FBXL17: variants seen among roughly 807,000 people sequenced by gnomAD.
FBXL17 encodes F-box and leucine rich repeat protein 17.
A neutral mutation model predicts 66.2 loss-of-function variants in FBXL17; 22 were observed. That is an observed-to-expected ratio of 0.33 (90% CI 0.24 to 0.47). The LOEUF is 0.47. Among genes scored for constraint, FBXL17 ranks in the 20% least tolerant of loss-of-function variants. The pLI is 1.00. For missense variants in FBXL17, 878 were observed against 948.2 expected (o/e 0.93, Z 0.97); for synonymous variants, 474 against 400.5 (o/e 1.18, Z -2.19).
At chr5:108,077,613 T>G (rs1748601796) in intron 6 of FBXL17, among the ~76,000 whole-genome samples, 1 of 150,870 alleles carries the variant, frequency 6.6e-6, no homozygotes, top group Admixed American at 6.6e-5. Context: ...CAGTGAGCCA[T>G]GTTCATACCA....
intron 6 of FBXL17, among the ~76,000 whole-genome samples, chr5:108,071,227 G>C (rs76319018): frequency 6.6e-6 from 1 of 152,156 alleles, no homozygotes; most frequent in Non-Finnish European, 1.5e-5. Context: ...GTGCACTTTA[G>C]TATTGTGTTT....
chr5:108,207,784 C>A (rs1057491562), intron 5 of FBXL17, among the ~76,000 whole-genome samples: 1 of 152,116 alleles, frequency 6.6e-6, no homozygotes, highest in South Asian at 2.1e-4. Flanking sequence ...AATAAACATA[C>A]GTGTGCATGT....
chr5:107,920,005 C>T (rs1750258869), intron 7 of FBXL17, among the ~76,000 whole-genome samples: 1 of 152,106 alleles, frequency 6.6e-6, no homozygotes, highest in Non-Finnish European at 1.5e-5. Context: ...AACCAAGCAA[C>T]CTTCTAAGAT....
chr5:108,265,077 T>C (rs1008793080), intron 4 of FBXL17, among the ~76,000 whole-genome samples: 1 of 152,074 alleles, frequency 6.6e-6, no homozygotes, highest in Non-Finnish European at 1.5e-5. Flanking sequence ...AACAGAATAA[T>C]TTATAAGTTT....
At chr5:108,019,698 G>T (rs565788014) in intron 7 of FBXL17, among the ~76,000 whole-genome samples, 29 of 151,682 alleles carry the variant, frequency 1.9e-4, no homozygotes, top group Non-Finnish European at 2.9e-4. Context: ...GCCGTGTGTT[G>T]GTCAGGGAGA....
At chr5:108,120,354 A>C (rs1363443475) in intron 6 of FBXL17, among the ~76,000 whole-genome samples, 1 of 152,232 alleles carries the variant, frequency 6.6e-6, no homozygotes, top group Non-Finnish European at 1.5e-5. Context: ...CAGTTTGACC[A>C]TTATATAACT....
intron 6 of FBXL17, among the ~76,000 whole-genome samples, chr5:108,146,963 C>A (rs945455959): frequency 2.0e-5 from 3 of 152,192 alleles, no homozygotes; most frequent in Non-Finnish European, 2.9e-5. Context: ...GATCAAGGAA[C>A]TAGCAGATTC....
chr5:108,156,116 C>T (rs777179463), intron 6 of FBXL17, among the ~76,000 whole-genome samples: 7 of 151,960 alleles, frequency 4.6e-5, no homozygotes, highest in Non-Finnish European at 1.0e-4. Context: ...TTGCTATAAC[C>T]CTAATAGGGA....
At chr5:107,949,161 C>T (rs114073300) in intron 7 of FBXL17, among the ~76,000 whole-genome samples, 1 of 145,818 alleles carries the variant, frequency 6.9e-6, no homozygotes. Flanking sequence ...GGCTTCCACA[C>T]CACATCTGTC....
intron 6 of FBXL17, among the ~76,000 whole-genome samples, chr5:108,147,249 GA>G (rs1751596356): frequency 6.6e-6 from 1 of 152,166 alleles, no homozygotes; most frequent in Non-Finnish European, 1.5e-5. Context: ...ACTCGAAGCA[GA>G]AAAAATAAAA....
intron 6 of FBXL17, among the ~76,000 whole-genome samples, chr5:108,120,369 T>A (rs1750437384): frequency 6.6e-6 from 1 of 152,194 alleles, no homozygotes; most frequent in Admixed American, 6.5e-5. Flanking sequence ...ATAACTAAGA[T>A]ATTTCATAGA....
intron 6 of FBXL17, among the ~76,000 whole-genome samples, chr5:108,029,776 A>ATT (rs539460147): frequency 6.7e-6 from 1 of 149,278 alleles, no homozygotes; most frequent in Non-Finnish European, 1.5e-5. Context: ...GATTTTGGTT[A>ATT]TTTTTTTTTT....
intron 6 of FBXL17, among the ~76,000 whole-genome samples, chr5:108,119,879 T>C (rs922908243): frequency 6.6e-6 from 1 of 152,170 alleles, no homozygotes; most frequent in African/African-American, 2.4e-5. Context: ...CTTCAGGAAA[T>C]AAAGAAGGTG....
intron 4 of FBXL17, among the ~76,000 whole-genome samples, chr5:108,263,674 G>C (rs534891663): frequency 1.3e-5 from 2 of 152,124 alleles, no homozygotes; most frequent in South Asian, 2.1e-4. Flanking sequence ...TCTTAAAAAA[G>C]CATTAATGTT....
intron 7 of FBXL17, among the ~76,000 whole-genome samples, chr5:107,905,657 T>C (rs1749729658): frequency 6.6e-6 from 1 of 152,294 alleles, no homozygotes; most frequent in Middle Eastern, 3.4e-3. Flanking sequence ...ACAATGTATG[T>C]GCTATGTGCA....
chr5:108,302,508 A>T (rs574889058), intron 4 of FBXL17, among the ~76,000 whole-genome samples: 97 of 151,954 alleles, frequency 6.4e-4, no homozygotes, highest in African/African-American at 2.3e-3. Context: ...AATCTTAGAA[A>T]ATTAAGAGAT....
At chr5:107,862,188 T>TA in intron 8 of FBXL17, among the ~76,000 whole-genome samples, 1 of 152,020 alleles carries the variant, frequency 6.6e-6, no homozygotes. Context: ...AAAGAAGCAG[T>TA]AAGATAGCTA....
intron 4 of FBXL17, among the ~76,000 whole-genome samples, chr5:108,341,371 T>C (rs1746870308): frequency 6.6e-6 from 1 of 152,126 alleles, no homozygotes; most frequent in African/African-American, 2.4e-5. Context: ...TAGATCATCA[T>C]AGCAGTTGCT....
chr5:108,332,580 T>C (rs1760173716), intron 4 of FBXL17, among the ~76,000 whole-genome samples: 2 of 152,042 alleles, frequency 1.3e-5, no homozygotes, highest in Non-Finnish European at 2.9e-5. Context: ...CCGTCAGAGG[T>C]AGTTCAGGAC....
Sources: allele counts gnomAD v4.1 joint callset (sites outside exome capture counted in the v4.1 genomes callset), GRCh38; gene constraint gnomAD v4.1.1; transcripts MANE v1.5; gene names NCBI Gene and HGNC (gene_info 2026-07-23, HGNC 2026-07-21).